The following FAM20A variants were observed in gnomAD, a reference collection of about 807,000 sequenced individuals.
FAM20A encodes the protein pseudokinase FAM20A.
Under a neutral mutation model 52.0 loss-of-function variants are expected in FAM20A, and 42 were observed. The ratio of observed to expected loss-of-function variants is 0.81; its 90% confidence interval spans 0.63 to 1.04. FAM20A has a LOEUF of 1.04. Ranked by LOEUF, FAM20A falls within the 50% of genes least tolerant of loss-of-function variation. The probability of loss-of-function intolerance (pLI) is 0.00; values close to 1 mark genes in which losing one functional copy is unlikely to be tolerated. For synonymous variants in FAM20A, 304 were observed against 298.9 expected (o/e 1.02, Z -0.18); for missense variants, 742 against 712.7 (o/e 1.04, Z -0.47).
chr17:68,569,009 T>C (rs1447689666), intron 1 of FAM20A, among the ~76,000 whole-genome samples: 1 of 151,652 alleles, frequency 6.6e-6, no homozygotes, highest in East Asian at 1.9e-4. Context: ...CCACAAAGCA[T>C]ACAGAAGCTC....
At chr17:68,541,134 G>A (rs752863237) in intron 7 of FAM20A, 176 bp from the exon 8 acceptor site, 48 of 857,316 alleles carry the variant, frequency 5.6e-5, no homozygotes, top group Non-Finnish European at 7.2e-5. Context: ...TGCATATTCC[G>A]TGTGGTGAGA....
chr17:68,546,602 G>T (rs976895867), intron 4 of FAM20A, among the ~76,000 whole-genome samples: 1 of 151,146 alleles, frequency 6.6e-6, no homozygotes, highest in Admixed American at 6.6e-5. Flanking sequence ...AGGCCGAGGC[G>T]GGCGGATCAC....
At chr17:68,538,552 A>G (rs1375369598) in intron 10 of FAM20A, among the ~76,000 whole-genome samples, 1 of 152,246 alleles carries the variant, frequency 6.6e-6, no homozygotes, top group Non-Finnish European at 1.5e-5. Flanking sequence ...GTGTGGAAGT[A>G]AGTTAGACAT....
chr17:68,549,548 C>T (rs533634938), intron 4 of FAM20A, among the ~76,000 whole-genome samples: 4 of 150,666 alleles, frequency 2.7e-5, no homozygotes, highest in East Asian at 3.9e-4. Flanking sequence ...AAATTTTGCT[C>T]GGAGAACAGA....
intron 1 of FAM20A, among the ~76,000 whole-genome samples, chr17:68,560,048 A>T (rs140708889): frequency 7.8e-4 from 118 of 152,230 alleles, no homozygotes; most frequent in African/African-American, 2.8e-3. Context: ...TTGGGAGGTG[A>T]TTGGGCCATG....
At chr17:68,596,404 C>T (rs945039299) in intron 1 of FAM20A, among the ~76,000 whole-genome samples, 2 of 152,198 alleles carry the variant, frequency 1.3e-5, no homozygotes, top group Non-Finnish European at 2.9e-5. Context: ...GAGAGACTGA[C>T]CAAAGATATG....
Position 68,536,626 on chromosome 17 carries a change from G to T in FAM20A, c.*851C>A, listed in dbSNP as rs1453903548. ...ACAATCCTGGGGTCTTAGGGAAGAA[G>T]ATTGTGGTTGGTGGGCTGTAGTCAG... On this transcript the variant is annotated 3_prime_UTR_variant, in exon 11 of 11. Coordinates refer to ENST00000592554, the MANE Select transcript of FAM20A (RefSeq NM_017565.4). 2 of 452,320 alleles carry T rather than the reference G, an allele frequency of 4.4e-6. No homozygotes were observed. Among genetic ancestry groups the T allele is most frequent in the South Asian group, 3.1e-5 (2 of 64,206 alleles). The allele number at this position is 452,320 out of a possible 1,614,324, so 28.0% of individuals were successfully genotyped here.
At chr17:68,590,980 CCTT>C (rs1266610572) in intron 1 of FAM20A, among the ~76,000 whole-genome samples, 1 of 152,162 alleles carries the variant, frequency 6.6e-6, no homozygotes, top group Non-Finnish European at 1.5e-5. Flanking sequence ...ATCAGAGAAA[CCTT>C]CTCTGTCTAG....
At chr17:68,557,166 C>G (rs1475451439) in intron 1 of FAM20A, among the ~76,000 whole-genome samples, 2 of 151,772 alleles carry the variant, frequency 1.3e-5, no homozygotes, top group East Asian at 3.9e-4. Context: ...CGCCACTGCA[C>G]TCCAGCCTGG....
At chr17:68,579,099 A>C (rs1454782481) in intron 1 of FAM20A, among the ~76,000 whole-genome samples, 1 of 151,912 alleles carries the variant, frequency 6.6e-6, no homozygotes, top group Non-Finnish European at 1.5e-5. Context: ...GTGCATAAAG[A>C]AGCACAGAAT....
intron 1 of FAM20A, among the ~76,000 whole-genome samples, chr17:68,588,857 T>C (rs1160125344): frequency 6.6e-6 from 1 of 152,186 alleles, no homozygotes; most frequent in East Asian, 1.9e-4. Flanking sequence ...TTTTGAAGGG[T>C]TGTATTCAAT....
At chr17:68,591,346 G>A (rs2952300) in intron 1 of FAM20A, among the ~76,000 whole-genome samples, 68,867 of 151,924 alleles carry the variant, frequency 0.45, 15,963 homozygotes, top group Non-Finnish European at 0.49. Context: ...TGATCCGCCC[G>A]CCTCGGCCTC....
intron 10 of FAM20A, 40 bp downstream of exon 10, chr17:68,539,297 A>G (rs1218246840): frequency 1.9e-6 from 3 of 1,608,904 alleles, no homozygotes; most frequent in Non-Finnish European, 2.6e-6. Flanking sequence ...AAGGGTCACA[A>G]CTGTTACTTG....
chr17:68,588,285 T>C (rs1458980655), intron 1 of FAM20A, among the ~76,000 whole-genome samples: 1 of 152,164 alleles, frequency 6.6e-6, no homozygotes, highest in Non-Finnish European at 1.5e-5. Context: ...TGGGGTCACT[T>C]CTTTAAGGAA....
At chr17:68,553,249 C>T (rs967213323) in intron 3 of FAM20A, among the ~76,000 whole-genome samples, 7 of 152,160 alleles carry the variant, frequency 4.6e-5, no homozygotes, top group Non-Finnish European at 7.3e-5. Flanking sequence ...TGCTTCCCCT[C>T]CCCCTTCTGC....
At chr17:68,547,247 G>A (rs1029611761) in intron 4 of FAM20A, among the ~76,000 whole-genome samples, 1 of 152,148 alleles carries the variant, frequency 6.6e-6, no homozygotes, top group Non-Finnish European at 1.5e-5. Context: ...GAGTCAGCCT[G>A]TCCTTTGAAT....
At chr17:68,560,982 T>C (rs997635689) in intron 1 of FAM20A, among the ~76,000 whole-genome samples, 7 of 152,258 alleles carry the variant, frequency 4.6e-5, no homozygotes, top group Non-Finnish European at 7.3e-5. Context: ...TACATTTGCC[T>C]ATGTTTGTAT....
rs1023443037 is a variant in FAM20A at position 68,600,184 on chromosome 17, G to A, written c.404+79C>T. On this transcript the variant is annotated intron_variant, in intron 1 of 10. Transcript: ENST00000592554. This position sits in a 1 kb window ranked among gnomAD's most constrained non-coding sequence, Gnocchi z 6.2. Reference sequence around the variant, plus strand: ...GCCGCTGCAGCCCTGGGCCGGGGGCGTCAGGAAACTCGAGACTGGGGCGCG... The same window carrying A: ...GCCGCTGCAGCCCTGGGCCGGGGGCATCAGGAAACTCGAGACTGGGGCGCG... 2.7e-6 allele frequency: 4 copies of A among 1,485,740 alleles called. No individual in the cohort carries two copies. Among genetic ancestry groups the A allele is most frequent in the African/African-American group, 2.8e-5 (2 of 71,372 alleles). 92.0% of individuals were successfully genotyped at this position (1,485,740 alleles called of 1,614,324 possible). A position where few individuals can be genotyped will look rare whatever the true frequency, so the allele number is the denominator to read the frequency against.
At chr17:68,553,691 G>T (rs1428533035) in intron 3 of FAM20A, among the ~76,000 whole-genome samples, 1 of 151,870 alleles carries the variant, frequency 6.6e-6, no homozygotes, top group Non-Finnish European at 1.5e-5. Context: ...GGGGGTGGAG[G>T]CTAGGCAGGA....
Sources: allele counts gnomAD v4.1 joint callset (sites outside exome capture counted in the v4.1 genomes callset), GRCh38; gene constraint gnomAD v4.1.1; non-coding constraint Gnocchi (gnomAD v3.1); transcripts MANE v1.5; gene names NCBI Gene and HGNC (gene_info 2026-07-23, HGNC 2026-07-21).